EFCAB5: variants seen among roughly 807,000 people sequenced by gnomAD.
EFCAB5 encodes EF-hand calcium binding domain 5.
A neutral mutation model predicts 167.9 loss-of-function variants in EFCAB5; 131 were observed. The observed-to-expected ratio is 0.78, with a 90% CI of 0.68 to 0.90. The LOEUF is 0.90. Ranked by LOEUF, EFCAB5 falls within the 40% of genes least tolerant of loss-of-function variation. EFCAB5 has a pLI of 0.00. For missense variants in EFCAB5, 1,663 were observed against 1,745.2 expected, an observed-to-expected ratio of 0.95 and a Z score of 0.84; for synonymous variants, 574 against 602.8, an observed-to-expected ratio of 0.95 and a Z score of 0.70.
chr17:29,990,274 T>G (rs2068384795), intron 4 of EFCAB5, among the ~76,000 whole-genome samples: 1 of 152,208 alleles, frequency 6.6e-6, no homozygotes, highest in Admixed American at 6.5e-5. Flanking sequence ...TAACAAACCT[T>G]TAAATTTCTT....
At chr17:30,076,377 G>A (rs2070868711) in intron 14 of EFCAB5, among the ~76,000 whole-genome samples, 1 of 152,252 alleles carries the variant, frequency 6.6e-6, no homozygotes, top group South Asian at 2.1e-4. Flanking sequence ...AGAACTATGA[G>A]TGGAACCCCA....
intron 7 of EFCAB5, among the ~76,000 whole-genome samples, chr17:30,006,110 C>T (rs985162184): frequency 6.6e-6 from 1 of 152,138 alleles, no homozygotes; most frequent in African/African-American, 2.4e-5. Flanking sequence ...AACTGTAATC[C>T]GACTGCCTTA....
chr17:30,067,989 T>C (rs2070620925), intron 14 of EFCAB5, among the ~76,000 whole-genome samples: 1 of 152,180 alleles, frequency 6.6e-6, no homozygotes. Flanking sequence ...TTCAGTAAAG[T>C]TGCAGGATAC....
At chr17:30,019,745 C>G (rs2151703273) in intron 7 of EFCAB5, among the ~76,000 whole-genome samples, 1 of 152,198 alleles carries the variant, frequency 6.6e-6, no homozygotes, top group Middle Eastern at 3.4e-3. Context: ...CGTGCCCAGC[C>G]CATCCCTCTG....
At position 30,093,078 on chromosome 17, in the gene EFCAB5, T is replaced by C. The variant is rs1597566929; in HGVS notation, c.4321+142T>C. Reference sequence around the variant, plus strand: ...ATAAGTCTTCTAAGAGGAGGGACACTATGTAATCTATTGCATCATTCCCCA... The same window carrying C: ...ATAAGTCTTCTAAGAGGAGGGACACCATGTAATCTATTGCATCATTCCCCA... On this transcript the variant is annotated intron_variant, in intron 22 of 22. Transcript: ENST00000394835. The C allele has an allele frequency of 9.4e-6, 5 of 529,788 alleles. No individual in the cohort carries two copies. The East Asian group carries it at 1.7e-4, about 18-fold the overall frequency. The allele number at this position is 529,788 out of a possible 1,614,324, so 32.8% of individuals were successfully genotyped here. A position where few individuals can be genotyped will look rare whatever the true frequency, so the allele number is the denominator to read the frequency against.
intron 3 of EFCAB5, among the ~76,000 whole-genome samples, chr17:29,967,179 G>C (rs1567683107): frequency 6.6e-6 from 1 of 152,112 alleles, no homozygotes; most frequent in Non-Finnish European, 1.5e-5. Context: ...TTTAGTCATG[G>C]GGATGATTTT....
At chr17:30,033,306 C>A (rs938826517) in intron 7 of EFCAB5, among the ~76,000 whole-genome samples, 25 of 152,090 alleles carry the variant, frequency 1.6e-4, no homozygotes, top group Non-Finnish European at 5.9e-5. Context: ...TCTCGATCTC[C>A]TGACCTTGTG....
intron 7 of EFCAB5, among the ~76,000 whole-genome samples, chr17:30,016,037 GA>G (rs1364946715): frequency 6.6e-6 from 1 of 151,664 alleles, no homozygotes; most frequent in Admixed American, 6.6e-5. Flanking sequence ...ATCTGCTTTG[GA>G]AAAAAATGTT....
At chr17:30,040,970 T>A (rs1278458084) in intron 8 of EFCAB5, among the ~76,000 whole-genome samples, 2 of 152,182 alleles carry the variant, frequency 1.3e-5, no homozygotes, top group African/African-American at 4.8e-5. Flanking sequence ...TTTAGGGAAG[T>A]TTTAGGCTAT....
intron 22 of EFCAB5, among the ~76,000 whole-genome samples, chr17:30,097,014 A>ATATACATATACATATACG (rs1567777221): frequency 9.8e-4 from 115 of 117,670 alleles, no homozygotes; most frequent in African/African-American, 4.3e-3. Flanking sequence ...ATACATATAC[A>ATATACATATACATATACG]TATACATATA....
chr17:29,967,018 C>T (rs2067843227), intron 3 of EFCAB5, among the ~76,000 whole-genome samples: 1 of 152,066 alleles, frequency 6.6e-6, no homozygotes, highest in Non-Finnish European at 1.5e-5. Context: ...GATGTGAGCA[C>T]TAGATGGTCT....
At position 30,092,005 on chromosome 17, in the gene EFCAB5, G is replaced by T; in HGVS notation, c.4072G>T (p.Val1358Leu). ...ACTGTTGCTCTATGACCATACTCTT[G>T]TAACAGAGCCAAATTCTCCTCAAGA... Reference protein sequence around the residue: ...VSLLLYDHTLVTEPNSPQDSK... With the variant: ...VSLLLYDHTLLTEPNSPQDSK... The change falls in exon 21 of 23, where the codon GTA (valine) becomes TTA (leucine). Residue 1358 changes from valine (V) to leucine (L), a missense_variant. Physicochemically the swap from Val to Leu is conservative, Grantham distance 32. Transcript: ENST00000394835. 6.2e-7 allele frequency: 1 copy of T among 1,613,906 alleles called. No individual in the cohort carries two copies. The highest frequency in any genetic ancestry group is 1.1e-5 in the South Asian group (1 of 91,078).
chr17:29,931,175 G>C (rs1404807277), intron 1 of EFCAB5, among the ~76,000 whole-genome samples: 1 of 152,122 alleles, frequency 6.6e-6, no homozygotes. Flanking sequence ...AGTTGACAAG[G>C]CTATTTCTCA....
intron 7 of EFCAB5, chr17:30,031,719 C>T (rs927121362): frequency 2.0e-5 from 3 of 152,122 alleles, no homozygotes; most frequent in Non-Finnish European, 4.4e-5. Context: ...TGCATTGATC[C>T]ATCAAGAATA....
intron 10 of EFCAB5, 42 bp from the exon 11 acceptor site, chr17:30,055,846 T>C (rs765561410): frequency 2.5e-6 from 4 of 1,582,710 alleles, no homozygotes; most frequent in East Asian, 2.2e-5. Context: ...TAATGGAATA[T>C]GTAATGTCTA....
At chr17:30,034,968 G>A (rs1411968991) in intron 8 of EFCAB5, among the ~76,000 whole-genome samples, 1 of 152,094 alleles carries the variant, frequency 6.6e-6, no homozygotes, top group Non-Finnish European at 1.5e-5. Flanking sequence ...TTTCATGATG[G>A]GCTTGTAATA....
At position 30,053,515 on chromosome 17, in the gene EFCAB5, AT is replaced by A; in HGVS notation, c.1564del (p.Ser522GlnfsTer19). 6.2e-7 allele frequency: 1 copy of A among 1,613,984 alleles called. No homozygotes were observed. The highest frequency in any genetic ancestry group is 8.5e-7 in the Non-Finnish European group (1 of 1,179,874). On this transcript the variant is annotated frameshift_variant, in exon 10 of 23. Coordinates refer to ENST00000394835, the MANE Select transcript of EFCAB5 (RefSeq NM_198529.4). LOFTEE classifies it high-confidence loss of function. ...GVTAEQGPQR[I>X]SIEEQQQGKK... ...AACTGCAGAACAAGGACCACAAAGA[AT>A]TTCAATTGAAGAACAACAACAAGGC...
At chr17:30,049,498 AAAAC>A (rs1271911935) in intron 8 of EFCAB5, among the ~76,000 whole-genome samples, 14 of 152,064 alleles carry the variant, frequency 9.2e-5, no homozygotes, top group African/African-American at 2.9e-4. Context: ...AACAAAAACA[AAAAC>A]AAACAAAAAA....
At chr17:30,101,896 T>C (rs1427543111) in intron 22 of EFCAB5, among the ~76,000 whole-genome samples, 2 of 152,248 alleles carry the variant, frequency 1.3e-5, no homozygotes, top group East Asian at 3.8e-4. Flanking sequence ...GGATGGGCTG[T>C]TGTTAGAGTA....
Sources: allele counts gnomAD v4.1 joint callset (sites outside exome capture counted in the v4.1 genomes callset), GRCh38; gene constraint gnomAD v4.1.1; transcripts MANE v1.5; gene names NCBI Gene and HGNC (gene_info 2026-07-23, HGNC 2026-07-21).